Variants in MATN1 observed in about 807,000 individuals in gnomAD.
The protein encoded by MATN1 is matrilin 1.
In MATN1, 34 loss-of-function variants were observed where a neutral mutation model predicts 41.3. That is an observed-to-expected ratio of 0.82 (90% CI 0.63 to 1.10). MATN1 has a LOEUF of 1.10. MATN1 is among the 50% of genes least tolerant of loss of function. The pLI, the probability that MATN1 is intolerant of heterozygous loss-of-function variation, is 0.00. For synonymous variants in MATN1, 264 were observed against 278.7 expected (o/e 0.95, Z 0.53); for missense variants, 602 against 662.4 (o/e 0.91, Z 1.00).
At position 30,721,461 on chromosome 1, in the gene MATN1, T is replaced by C. The variant is rs746316523; in HGVS notation, c.385A>G (p.Thr129Ala). ...CCCTCTGCATCGCCGAAGGCTTTGGTGATAGCGAACTGGATGGCCAGGCCG... is the reference window on the plus strand; with the variant it reads ...CCCTCTGCATCGCCGAAGGCTTTGGCGATAGCGAACTGGATGGCCAGGCCG... The part of the protein sequence containing the change: ...MTGLAIQFAI[T>A]KAFGDAEGGR... Residue 129 changes from threonine (T) to alanine (A), a missense_variant, in exon 2 of 8, where the codon ACC (threonine) becomes GCC (alanine). By Grantham distance (58) the Thr-to-Ala change is moderately conservative. Transcript: ENST00000373765. 6.2e-7 allele frequency: 1 copy of C among 1,613,594 alleles called. No homozygotes were observed. The highest frequency in any genetic ancestry group is 1.1e-5 in the South Asian group (1 of 91,080).
chr1:30,714,598 G>T (rs1639593468), intron 6 of MATN1, among the ~76,000 whole-genome samples: 1 of 152,154 alleles, frequency 6.6e-6, no homozygotes, highest in South Asian at 2.1e-4. Flanking sequence ...AAGAACACTA[G>T]TAGGGGCCCC....
At chr1:30,723,363 C>A (rs1365961641) in intron 1 of MATN1, 95 bp downstream of exon 1, 2 of 925,274 alleles carry the variant, frequency 2.2e-6, no homozygotes, top group African/African-American at 3.5e-5. Context: ...CATCCTGGAT[C>A]CCGTGTGCTC....
chr1:30,721,141 G>T (rs1449601538), intron 2 of MATN1: 7 of 488,676 alleles, frequency 1.4e-5, no homozygotes, highest in Non-Finnish European at 2.6e-5. Context: ...GCTCAGACTG[G>T]TCGGGAACCA....
intron 6 of MATN1, 48 bp from the exon 7 acceptor site, chr1:30,714,375 TGCCCAGGA>T: frequency 1.3e-6 from 2 of 1,488,948 alleles, no homozygotes; most frequent in Non-Finnish European, 1.9e-6. Context: ...GTTGAGTGGC[TGCCCAGGA>T]GGAGGGAGGA....
intron 7 of MATN1, chr1:30,713,851 C>A: frequency 1.7e-6 from 1 of 604,016 alleles, no homozygotes; most frequent in Non-Finnish European, 3.0e-6. Context: ...TTTAGACCTG[C>A]TGGGTTCCCC....
rs572958141 is a variant in MATN1, at chr1:30,721,179, G to C, written c.441+226C>G. The C allele has an allele frequency of 3.9e-4, 219 of 566,116 alleles. 4 individuals are homozygous for C. The South Asian group carries it at 4.9e-3, about 13-fold the overall frequency. The allele number at this position is 566,116 out of a possible 1,614,324, so 35.1% of individuals were successfully genotyped here. Reference sequence around the variant, plus strand: ...GTCAACTAAACTGAAATGATTGTAAGCTCCTAGGATGGAAAGGTTGGGTAA... The same window carrying C: ...GTCAACTAAACTGAAATGATTGTAACCTCCTAGGATGGAAAGGTTGGGTAA... On this transcript the variant is annotated intron_variant, in intron 2 of 7. Transcript: ENST00000373765.
chr1:30,715,141 C>A lies in MATN1; in HGVS notation c.1360+16G>T. 1 of 1,613,298 alleles carries A rather than the reference C, an allele frequency of 6.2e-7. No individual in the cohort carries two copies. Among genetic ancestry groups the A allele is most frequent in the Non-Finnish European group, 8.5e-7 (1 of 1,179,398 alleles). On this transcript the variant is annotated intron_variant, in intron 6 of 7. Transcript: ENST00000373765. ...CACCTGCAAATCCCATCAATGCCAG[C>A]CCTGGCCTCACTCACCCACACAGAT...
In MATN1 at chr1:30,712,234, A is replaced by T. The variant is rs1639555016; in HGVS notation, c.*1348T>A. 1 of 152,190 alleles carries T rather than the reference A, an allele frequency of 6.6e-6. No homozygotes were observed. Among genetic ancestry groups the T allele is most frequent in the Non-Finnish European group, 1.5e-5 (1 of 68,068 alleles). 9.4% of individuals were successfully genotyped at this position (152,190 alleles called of 1,614,324 possible). A position where few individuals can be genotyped will look rare whatever the true frequency, so the allele number is the denominator to read the frequency against. On this transcript the variant is annotated 3_prime_UTR_variant, in exon 8 of 8. Transcript: ENST00000373765. ...TCCCCCTCTGAGAGGACAGAGATGG[A>T]GATTCCGGAGCAGCACTGGTCCAAC... is the stretch of plus-strand genomic sequence containing the variant.
intron 7 of MATN1, 79 bp downstream of exon 7, chr1:30,714,168 A>G (rs1639587842): frequency 5.9e-6 from 7 of 1,196,238 alleles, no homozygotes; most frequent in Non-Finnish European, 7.2e-6. Context: ...CCAACTGACC[A>G]CACTTGGGCC....
chr1:30,723,027 C>T (rs1198930263), intron 1 of MATN1, among the ~76,000 whole-genome samples: 4 of 152,148 alleles, frequency 2.6e-5, no homozygotes, highest in Non-Finnish European at 1.5e-5. Context: ...GGACTCAGTG[C>T]CCAAACCTGA....
chr1:30,721,584 T>A lies in MATN1; in HGVS notation c.262A>T (p.Thr88Ser). 2 of 1,613,462 alleles carry A rather than the reference T, an allele frequency of 1.2e-6. No individual in the cohort carries two copies. Among genetic ancestry groups the A allele is most frequent in the Non-Finnish European group, 1.7e-6 (2 of 1,180,038 alleles). Residue 88 changes from threonine to serine, a missense_variant, in exon 2 of 8, where the codon ACC becomes TCC. Transcript: ENST00000373765. ...CGCAGCGAGAACTCCTGCTTCACGG[T>A]GCTGGCATAGTTGACCATGCCCACC... ...TRVGMVNYAS[T>S]VKQEFSLRAH...
chr1:30,716,641 T>G, intron 4 of MATN1, 149 bp downstream of exon 4: 2 of 1,185,808 alleles, frequency 1.7e-6, no homozygotes, highest in Non-Finnish European at 2.3e-6. Flanking sequence ...TGAGAACTTC[T>G]GCAGATACCA....
chr1:30,718,177 C>T (rs1251723039), intron 3 of MATN1, among the ~76,000 whole-genome samples: 1 of 152,014 alleles, frequency 6.6e-6, no homozygotes, highest in Non-Finnish European at 1.5e-5. Flanking sequence ...AGGCTACCGC[C>T]CCAGCCAGGC....
rs770715161 is a variant in MATN1, at chr1:30,718,726, C to T, written c.664+9G>A. ...CCTGCCCTGGCTCCGCCCCCGCCTG[C>T]CCGCGCACCGCAGAAGGCCTCCTGG... On this transcript the variant is annotated intron_variant, in intron 3 of 7. Coordinates refer to ENST00000373765, the MANE Select transcript of MATN1 (RefSeq NM_002379.3). The T allele has an allele frequency of 1.3e-6, 2 of 1,569,124 alleles. No homozygotes were observed. Among genetic ancestry groups the T allele is most frequent in the Admixed American group, 1.8e-5 (1 of 56,672 alleles).
chr1:30,716,402 C>A (rs1019877886), intron 4 of MATN1, 77 bp from the exon 5 acceptor site: 2 of 1,424,430 alleles, frequency 1.4e-6, no homozygotes, highest in Non-Finnish European at 9.6e-7. Flanking sequence ...GGACACCCAC[C>A]ACACACCAAG....
rs772231489 is a variant in MATN1, at chr1:30,716,829, C to T, written c.751G>A (p.Glu251Lys). The T allele has an allele frequency of 1.8e-5, 29 of 1,613,894 alleles. No individual in the cohort carries two copies. In the South Asian group the frequency reaches 2.5e-4, roughly 14 times the overall value. The change falls in exon 4 of 8, where the codon GAG becomes AAG. Residue 251 changes from glutamate to lysine, a missense_variant. Transcript: ENST00000373765. ...SPGSYTCACH[E>K]GFTLNSDGKT... ...CCGTCGCTGTTCAGAGTGAAGCCCT[C>T]GTGGCAGGCGCAGGTGTAGGAACCG...
intron 2 of MATN1, 75 bp from the exon 3 acceptor site, chr1:30,719,032 C>T (rs919403248): frequency 1.6e-4 from 184 of 1,171,782 alleles, no homozygotes; most frequent in Non-Finnish European, 1.2e-4. Flanking sequence ...GGCTGAGGCC[C>T]GGAGAGGCGG....
rs1569822290 is a variant in MATN1, at chr1:30,711,760, T to C, written c.*1822A>G. ...CACACTGCTGAGCCTTCTCAGTCCATATCAACATGGCTGCCTCTCCCCCTC... is the reference window on the plus strand; with the variant it reads ...CACACTGCTGAGCCTTCTCAGTCCACATCAACATGGCTGCCTCTCCCCCTC... On this transcript the variant is annotated 3_prime_UTR_variant, in exon 8 of 8. Coordinates refer to ENST00000373765, the MANE Select transcript of MATN1 (RefSeq NM_002379.3). The C allele has an allele frequency of 6.6e-6, 1 of 152,232 alleles. No individual in the cohort carries two copies. Among genetic ancestry groups the C allele is most frequent in the Non-Finnish European group, 1.5e-5 (1 of 68,054 alleles). The allele number at this position is 152,232 out of a possible 1,614,324, so 9.4% of individuals were successfully genotyped here. A position where few individuals can be genotyped will look rare whatever the true frequency, so the allele number is the denominator to read the frequency against.
intron 1 of MATN1, 71 bp downstream of exon 1, chr1:30,723,387 T>C: frequency 8.3e-7 from 1 of 1,199,922 alleles, no homozygotes; most frequent in Non-Finnish European, 1.1e-6. Context: ...GCCATATCGG[T>C]ACCCAGCCCC....
Sources: gnomAD v4.1 joint callset for allele counts (sites outside exome capture counted in the v4.1 genomes callset) on GRCh38, gnomAD v4.1.1 for gene constraint, MANE v1.5 for transcripts, NCBI Gene and HGNC (gene_info 2026-07-23, HGNC 2026-07-21) for gene names.